The following DCC variants were observed in gnomAD, a reference collection of about 807,000 sequenced individuals.
DCC encodes DCC netrin 1 receptor.
DCC carries 58 observed loss-of-function variants against 172.5 expected under a neutral mutation model. The observed-to-expected ratio is 0.34, with a 90% CI of 0.27 to 0.42. The LOEUF is 0.42. Ranked by LOEUF, DCC falls within the 10% of genes least tolerant of loss-of-function variation. The pLI, the probability that DCC is intolerant of heterozygous loss-of-function variation, is 1.00. For missense variants in DCC, 1,740 were observed against 1,791.0 expected (o/e 0.97, Z 0.51); for synonymous variants, 709 against 644.5 (o/e 1.10, Z -1.52).
chr18:53,239,469 C>T (rs541011025), intron 12 of DCC, among the ~76,000 whole-genome samples: 15 of 152,136 alleles, frequency 9.9e-5, no homozygotes, highest in African/African-American at 3.1e-4. Context: ...GCTCATGTCA[C>T]AAAAGGCCAG....
intron 1 of DCC, among the ~76,000 whole-genome samples, chr18:52,725,584 T>C (rs1470892702): frequency 6.6e-6 from 1 of 152,140 alleles, no homozygotes; most frequent in African/African-American, 2.4e-5. Flanking sequence ...ATGAGAAAGA[T>C]GGTGTAAATA....
intron 1 of DCC, among the ~76,000 whole-genome samples, chr18:52,713,097 GCT>G (rs1214989611): frequency 3.3e-5 from 5 of 152,218 alleles, no homozygotes; most frequent in Admixed American, 1.3e-4. Context: ...ATTTCTGAAA[GCT>G]CTGTCAGTGG....
chr18:52,570,406 G>T (rs1019607875), intron 1 of DCC, among the ~76,000 whole-genome samples: 5 of 152,156 alleles, frequency 3.3e-5, no homozygotes, highest in Admixed American at 2.0e-4. Flanking sequence ...GATTTGACAT[G>T]TTTCTGGGTT....
Position 52,340,714 on chromosome 18 carries a change from A to G in DCC, c.-74A>G. On this transcript the variant is annotated 5_prime_UTR_variant, in exon 1 of 29. An upstream start codon of the reference 5' UTR is lost. Coordinates refer to ENST00000442544, the MANE Select transcript of DCC (RefSeq NM_005215.4). Reference sequence around the variant, plus strand: ...TCGGCGCGTGTGTGTGCATGTGTGCATGCGTGTGTGAGTGCATGTGTGTGA... The same window carrying G: ...TCGGCGCGTGTGTGTGCATGTGTGCGTGCGTGTGTGAGTGCATGTGTGTGA... 1 of 1,024,586 alleles carries G rather than the reference A, an allele frequency of 9.8e-7. No homozygotes were observed. Among genetic ancestry groups the G allele is most frequent in the Non-Finnish European group, 1.6e-6 (1 of 642,520 alleles). 63.5% of individuals were successfully genotyped at this position (1,024,586 alleles called of 1,614,324 possible).
chr18:53,505,155 A>AGAT (rs2046155939), intron 27 of DCC: 1 of 152,108 alleles, frequency 6.6e-6, no homozygotes, highest in African/African-American at 2.4e-5. Flanking sequence ...CATGGAGAGG[A>AGAT]GATGTTATAG....
intron 12 of DCC, among the ~76,000 whole-genome samples, chr18:53,242,033 T>TA (rs2056302506): frequency 1.3e-5 from 2 of 152,168 alleles, no homozygotes; most frequent in African/African-American, 4.8e-5. Context: ...GAGGACTTCT[T>TA]AAAGCATGCG....
At chr18:52,595,045 G>T (rs2033877241) in intron 1 of DCC, among the ~76,000 whole-genome samples, 1 of 152,172 alleles carries the variant, frequency 6.6e-6, no homozygotes, top group Admixed American at 6.6e-5. Context: ...GTTTTCTACT[G>T]TAAAGACTTT....
intron 17 of DCC, among the ~76,000 whole-genome samples, 158 bp downstream of exon 17, chr18:53,392,045 A>C (rs1275297733): frequency 6.6e-6 from 1 of 152,210 alleles, no homozygotes; most frequent in Non-Finnish European, 1.5e-5. Context: ...GATTAACATG[A>C]GAATAATTGT....
intron 2 of DCC, among the ~76,000 whole-genome samples, chr18:52,822,227 T>C (rs1047179764): frequency 3.9e-5 from 6 of 152,328 alleles, no homozygotes; most frequent in Admixed American, 3.9e-4. Context: ...CAAAAAAGTG[T>C]AAGCCCTATA....
intron 15 of DCC, among the ~76,000 whole-genome samples, chr18:53,383,177 C>T (rs1907896663): frequency 6.6e-6 from 1 of 152,006 alleles, no homozygotes; most frequent in Non-Finnish European, 1.5e-5. Context: ...TCAGGAAGCA[C>T]ATACTGTCTC....
chr18:52,506,630 G>T (rs185441335), intron 1 of DCC, among the ~76,000 whole-genome samples: 1 of 152,036 alleles, frequency 6.6e-6, no homozygotes, highest in Non-Finnish European at 1.5e-5. Context: ...AATGTTATAT[G>T]ATATTTTTCT....
In DCC at chr18:52,936,255, A is replaced by G. The variant is rs2040380845; in HGVS notation, c.985+10885A>G. ...GCAAAATTAAGTGCAAAATATGTTT[A>G]AAAGATTCTGTTGAATATTTATATG... On this transcript the variant is annotated intron_variant, in intron 5 of 28. Coordinates refer to ENST00000442544, the MANE Select transcript of DCC (RefSeq NM_005215.4). 1.6e-5 allele frequency among the ~76,000 whole-genome samples: 2 copies of G among 125,830 alleles called. 1 individual carries two copies. The highest frequency in any genetic ancestry group is 5.5e-5 in the African/African-American group (2 of 36,514). The allele number at this position is 125,830 out of a possible 152,430, so 82.5% of individuals were successfully genotyped here. A position where few individuals can be genotyped will look rare whatever the true frequency, so the allele number is the denominator to read the frequency against.
chr18:53,296,613 A>C (rs1344792856), intron 12 of DCC, among the ~76,000 whole-genome samples: 1 of 152,170 alleles, frequency 6.6e-6, no homozygotes, highest in African/African-American at 2.4e-5. Flanking sequence ...TAGACAAATC[A>C]AGGTCAGAAT....
At chr18:52,781,203 C>T (rs2037535615) in intron 2 of DCC, among the ~76,000 whole-genome samples, 1 of 152,074 alleles carries the variant, frequency 6.6e-6, no homozygotes, top group South Asian at 2.1e-4. Context: ...TTCTTGGTTT[C>T]ATTGTGTTGC....
intron 15 of DCC, among the ~76,000 whole-genome samples, chr18:53,374,988 C>T (rs925584253): frequency 6.6e-6 from 1 of 152,136 alleles, no homozygotes; most frequent in Non-Finnish European, 1.5e-5. Context: ...AGTGTTTATC[C>T]TGCAGTGACC....
chr18:52,405,550 G>A (rs1320218309), intron 1 of DCC, among the ~76,000 whole-genome samples: 3 of 151,292 alleles, frequency 2.0e-5, no homozygotes, highest in South Asian at 2.1e-4. Flanking sequence ...GAGCCGAATC[G>A]TGAGTGAACT....
intron 27 of DCC, among the ~76,000 whole-genome samples, chr18:53,519,137 A>G (rs1474484634): frequency 6.6e-6 from 1 of 152,146 alleles, no homozygotes; most frequent in African/African-American, 2.4e-5. Context: ...TAGAATAGCT[A>G]TATTATCCTT....
chr18:52,843,330 C>G (rs575263870), intron 2 of DCC, among the ~76,000 whole-genome samples: 2 of 152,186 alleles, frequency 1.3e-5, no homozygotes, highest in East Asian at 1.9e-4. Context: ...AGTAGAGAAG[C>G]CTTCTTCCAG....
At chr18:52,417,873 A>G (rs1298086634) in intron 1 of DCC, among the ~76,000 whole-genome samples, 1 of 152,178 alleles carries the variant, frequency 6.6e-6, no homozygotes. Context: ...CTCTCAACTC[A>G]TCAAAGTCAT....
Sources: gnomAD v4.1 joint callset for allele counts (sites outside exome capture counted in the v4.1 genomes callset) on GRCh38, gnomAD v4.1.1 for gene constraint, MANE v1.5 for transcripts, NCBI Gene and HGNC (gene_info 2026-07-23, HGNC 2026-07-21) for gene names.